Variants in TTLL9 observed in about 807,000 individuals in gnomAD.
The protein encoded by TTLL9 is tubulin tyrosine ligase like 9, also known as probable tubulin polyglutamylase TTLL9.
Under a neutral mutation model 65.6 loss-of-function variants are expected in TTLL9, and 47 were observed. The observed-to-expected ratio is 0.72, with a 90% CI of 0.57 to 0.91. The LOEUF is 0.91. Ranked by LOEUF, TTLL9 falls within the 40% of genes least tolerant of loss-of-function variation. TTLL9 has a pLI of 0.00. For synonymous variants in TTLL9, 179 were observed against 204.8 expected (o/e 0.87, Z 1.07); for missense variants, 537 against 568.8 (o/e 0.94, Z 0.57).
chr20:31,911,865 T>C (rs953969382), intron 6 of TTLL9, among the ~76,000 whole-genome samples: 1 of 115,166 alleles, frequency 8.7e-6, no homozygotes, highest in Non-Finnish European at 2.0e-5. Flanking sequence ...TGTGTGTGTG[T>C]GTGTGTGTGT....
At chr20:31,938,271 T>C in intron 13 of TTLL9, 11 of 454,740 alleles carry the variant, frequency 2.4e-5, no homozygotes, top group South Asian at 1.4e-4. Context: ...CAGGTATAGT[T>C]CTTGTGCCCA....
chr20:31,878,820 TTATA>T (rs1568730930), intron 2 of TTLL9, among the ~76,000 whole-genome samples: 1 of 152,248 alleles, frequency 6.6e-6, no homozygotes, highest in Admixed American at 6.5e-5. Context: ...TGTCTCTTTC[TTATA>T]TATATCTCAT....
intron 2 of TTLL9, among the ~76,000 whole-genome samples, chr20:31,877,237 C>T (rs2063049319): frequency 6.6e-6 from 1 of 152,208 alleles, no homozygotes; most frequent in African/African-American, 2.4e-5. Flanking sequence ...CTCCTGGGTT[C>T]AAGTGATTCT....
rs1175369257 is a variant in TTLL9, at chr20:31,879,828, T to G, written c.70-7368T>G. On this transcript the variant is annotated intron_variant, in intron 2 of 14. Coordinates refer to ENST00000535842, the MANE Select transcript of TTLL9 (RefSeq NM_001008409.5). Reference sequence around the variant, plus strand: ...TCTGTCGCCTTGGCAACGGGACGCATAAGCACGCGAGGCGCGCGGTGGCGG... The same window carrying G: ...TCTGTCGCCTTGGCAACGGGACGCAGAAGCACGCGAGGCGCGCGGTGGCGG... 3.2e-6 allele frequency: 5 copies of G among 1,549,124 alleles called. No individual in the cohort carries two copies. The East Asian group carries it at 7.3e-5, about 23-fold the overall frequency.
chr20:31,934,682 C>T lies in TTLL9; in HGVS notation c.808-10C>T, dbSNP rs199882087. 3.6e-5 allele frequency: 58 copies of T among 1,604,184 alleles called. 1 individual carries two copies. In the African/African-American group the frequency reaches 4.8e-4, roughly 13 times the overall value. On this transcript the variant is annotated splice_polypyrimidine_tract_variant and intron_variant, in intron 11 of 14. Transcript: ENST00000535842. ...AGGCTCCTCTCTCGACCCGGCTGCC[C>T]GGGGCCCAGGGCTGCAAGTGGACGC...
intron 2 of TTLL9, chr20:31,879,617 C>T: frequency 2.0e-6 from 1 of 508,832 alleles, no homozygotes; most frequent in Non-Finnish European, 3.5e-6. Flanking sequence ...AGGGAGCCAG[C>T]CTCTGAACGA....
At chr20:31,894,233 A>G (rs1193404613) in intron 3 of TTLL9, among the ~76,000 whole-genome samples, 1 of 150,522 alleles carries the variant, frequency 6.6e-6, no homozygotes. Context: ...CTCCCCAGGT[A>G]GCTGGGACTA....
intron 6 of TTLL9, among the ~76,000 whole-genome samples, chr20:31,916,577 G>T (rs193246077): frequency 3.3e-5 from 5 of 152,288 alleles, no homozygotes; most frequent in Admixed American, 1.3e-4. Flanking sequence ...AGAAGGCTGA[G>T]GGTAGGCATA....
intron 3 of TTLL9, among the ~76,000 whole-genome samples, chr20:31,895,345 T>C (rs965636786): frequency 6.6e-5 from 10 of 152,144 alleles, no homozygotes; most frequent in East Asian, 5.8e-4. Context: ...CAGTTTTGGA[T>C]TGGGCCTGAG....
At chr20:31,902,976 A>G (rs2063499685) in intron 4 of TTLL9, among the ~76,000 whole-genome samples, 1 of 151,484 alleles carries the variant, frequency 6.6e-6, no homozygotes, top group Non-Finnish European at 1.5e-5. Flanking sequence ...TGATCCACCC[A>G]CCTCAGCCTC....
intron 7 of TTLL9, among the ~76,000 whole-genome samples, chr20:31,920,486 T>G (rs2063800626): frequency 6.6e-6 from 1 of 152,092 alleles, no homozygotes; most frequent in Non-Finnish European, 1.5e-5. Context: ...AGCTGTGTGG[T>G]CTTGGGAAAA....
At chr20:31,876,312 G>A (rs1289088134) in intron 2 of TTLL9, among the ~76,000 whole-genome samples, 2 of 152,190 alleles carry the variant, frequency 1.3e-5, no homozygotes, top group Admixed American at 1.3e-4. Context: ...GGGCATGGTG[G>A]TGGGTCCCTG....
chr20:31,879,845 C>A, intron 2 of TTLL9: 2 of 1,549,926 alleles, frequency 1.3e-6, no homozygotes, highest in Non-Finnish European at 1.7e-6. Context: ...GCGAGGCGCG[C>A]GGTGGCGGTT....
At position 31,934,695 on chromosome 20, in the gene TTLL9, T is replaced by G. The variant is rs757802573; in HGVS notation, c.811T>G (p.Cys271Gly). The G allele has an allele frequency of 1.9e-6, 3 of 1,609,984 alleles. No homozygotes were observed. In the Middle Eastern group the frequency reaches 6.7e-4, roughly 359 times the overall value. Residue 271 changes from cysteine (C) to glycine (G), a missense_variant, in exon 12 of 15, where the codon TGC becomes GGC. Around this residue, in one of 3 missense-constraint regions of TTLL9, gnomAD observed 205 missense variants for 225.9 expected, o/e 0.91. Coordinates refer to ENST00000535842, the MANE Select transcript of TTLL9 (RefSeq NM_001008409.5). Reference protein sequence around the residue: ...TSPDYHPKKGCKWTLQRFRQY... With the variant: ...TSPDYHPKKGGKWTLQRFRQY... The stretch of plus-strand genomic sequence containing the variant: ...GACCCGGCTGCCCGGGGCCCAGGGC[T>G]GCAAGTGGACGCTGCAGCGCTTCCG...
intron 8 of TTLL9, 106 bp from the exon 9 acceptor site, chr20:31,924,903 A>T (rs1803811978): frequency 7.9e-7 from 1 of 1,258,568 alleles, no homozygotes. Context: ...CAGGAGCTTC[A>T]TGAAGGCGGG....
intron 2 of TTLL9, among the ~76,000 whole-genome samples, chr20:31,873,820 G>A (rs1475663849): frequency 3.7e-4 from 20 of 54,690 alleles, no homozygotes; most frequent in African/African-American, 1.2e-3. Context: ...AAGGAAGGAA[G>A]GAAGAAAGAA....
chr20:31,893,888 T>C (rs1251948473), intron 3 of TTLL9, among the ~76,000 whole-genome samples: 1 of 152,104 alleles, frequency 6.6e-6, no homozygotes, highest in African/African-American at 2.4e-5. Flanking sequence ...TTCAGTTATA[T>C]GTATGTTAGA....
intron 2 of TTLL9, among the ~76,000 whole-genome samples, chr20:31,875,315 C>CATT (rs377569264): frequency 1.1e-4 from 17 of 152,112 alleles, no homozygotes; most frequent in African/African-American, 4.1e-4. Context: ...GAACACAGTA[C>CATT]ATTATTATTA....
At chr20:31,939,356 ATTGT>A (rs1238109831) in intron 14 of TTLL9, 90 bp downstream of exon 14, 17 of 1,459,240 alleles carry the variant, frequency 1.2e-5, no homozygotes, top group Middle Eastern at 1.8e-4. Flanking sequence ...TAGTGGTTAG[ATTGT>A]TTGAATTCAA....
Sources: gnomAD v4.1 joint callset for allele counts (sites outside exome capture counted in the v4.1 genomes callset) on GRCh38, gnomAD v4.1.1 for gene constraint, gnomAD v4.1.1 regional missense constraint, MANE v1.5 for transcripts, NCBI Gene and HGNC (gene_info 2026-07-23, HGNC 2026-07-21) for gene names.